The following SLC26A5 variants were observed in gnomAD, a reference collection of about 807,000 sequenced individuals.
SLC26A5 encodes the protein prestin.
A neutral mutation model predicts 81.0 loss-of-function variants in SLC26A5; 51 were observed. That is an observed-to-expected ratio of 0.63 (90% CI 0.50 to 0.80). The LOEUF is 0.80. Ranked by LOEUF, SLC26A5 falls within the 30% of genes least tolerant of loss-of-function variation. SLC26A5 has a pLI of 0.00. For synonymous variants in SLC26A5, 325 were observed against 332.8 expected, an observed-to-expected ratio of 0.98 and a Z score of 0.25; for missense variants, 771 against 905.8, an observed-to-expected ratio of 0.85 and a Z score of 1.91.
chr7:103,366,877 T>TCAC (rs1475056540), intron 19 of SLC26A5, among the ~76,000 whole-genome samples: 2 of 152,180 alleles, frequency 1.3e-5, no homozygotes, highest in Non-Finnish European at 2.9e-5. Flanking sequence ...TGATCTTGGC[T>TCAC]CACTGCAACC....
intron 14 of SLC26A5, among the ~76,000 whole-genome samples, chr7:103,382,602 G>A (rs538424911): frequency 5.3e-5 from 8 of 151,888 alleles, no homozygotes; most frequent in African/African-American, 1.7e-4. Context: ...TACCCACCTC[G>A]GCCTCCCAAA....
chr7:103,358,843 C>T (rs532362562), intron 19 of SLC26A5, among the ~76,000 whole-genome samples: 2 of 152,114 alleles, frequency 1.3e-5, no homozygotes, highest in Non-Finnish European at 2.9e-5. Flanking sequence ...GACAGACTAG[C>T]TAAAGAGCCC....
chr7:103,432,056 C>G (rs1826119330), intron 2 of SLC26A5, among the ~76,000 whole-genome samples: 1 of 152,106 alleles, frequency 6.6e-6, no homozygotes, highest in Non-Finnish European at 1.5e-5. Context: ...GCTAACACTA[C>G]AGGTGCATGC....
At chr7:103,400,084 C>G (rs1586283213) in intron 8 of SLC26A5, among the ~76,000 whole-genome samples, 1 of 151,572 alleles carries the variant, frequency 6.6e-6, no homozygotes, top group East Asian at 1.9e-4. Context: ...GGGTATATAC[C>G]CAGTAACGGG....
chr7:103,431,932 T>C (rs1374716875), intron 2 of SLC26A5, among the ~76,000 whole-genome samples: 2 of 152,138 alleles, frequency 1.3e-5, no homozygotes, highest in African/African-American at 2.4e-5. Context: ...ATTAACTTTT[T>C]TGAGACAGGG....
intron 14 of SLC26A5, among the ~76,000 whole-genome samples, chr7:103,384,843 T>C (rs1270856570): frequency 6.6e-6 from 1 of 152,194 alleles, no homozygotes; most frequent in African/African-American, 2.4e-5. Context: ...ATTATAATAA[T>C]TTGTGCCATC....
At chr7:103,362,625 A>G in intron 19 of SLC26A5, 1 of 1,507,384 alleles carries the variant, frequency 6.6e-7, no homozygotes, top group South Asian at 1.1e-5. Flanking sequence ...AAAGGACTAA[A>G]CATAAAAGCA....
At chr7:103,402,601 A>C (rs1286177383) in intron 8 of SLC26A5, among the ~76,000 whole-genome samples, 2 of 151,794 alleles carry the variant, frequency 1.3e-5, no homozygotes, top group South Asian at 4.2e-4. Context: ...GGATTTCACC[A>C]TGTTGGCCAA....
chr7:103,390,281 G>A (rs1822540215), intron 12 of SLC26A5, 148 bp downstream of exon 12: 1 of 769,572 alleles, frequency 1.3e-6, no homozygotes, highest in South Asian at 1.5e-5. Flanking sequence ...TATAGAGCAG[G>A]ATCTTGGTCC....
At chr7:103,427,243 T>C (rs1008184286) in intron 2 of SLC26A5, among the ~76,000 whole-genome samples, 1 of 152,018 alleles carries the variant, frequency 6.6e-6, no homozygotes, top group Non-Finnish European at 1.5e-5. Context: ...CCAACTACTT[T>C]TTGTATTTTT....
chr7:103,427,374 G>A (rs1363695904), intron 2 of SLC26A5, among the ~76,000 whole-genome samples: 2 of 151,962 alleles, frequency 1.3e-5, no homozygotes, highest in Non-Finnish European at 2.9e-5. Flanking sequence ...CACTGTGCCT[G>A]GCCTCATCAT....
chr7:103,399,825 G>A (rs1275458973), intron 8 of SLC26A5, among the ~76,000 whole-genome samples: 6 of 152,094 alleles, frequency 3.9e-5, no homozygotes, highest in Non-Finnish European at 5.9e-5. Flanking sequence ...GTGGTGTTTG[G>A]TTTTCTGTTC....
chr7:103,366,254 T>A, intron 19 of SLC26A5: 2 of 1,141,344 alleles, frequency 1.8e-6, no homozygotes, highest in Non-Finnish European at 2.6e-6. Context: ...TTGTACAGAA[T>A]TTTAACTCCA....
chr7:103,375,491 T>A (rs923825701), intron 19 of SLC26A5, among the ~76,000 whole-genome samples: 1 of 152,220 alleles, frequency 6.6e-6, no homozygotes, highest in Non-Finnish European at 1.5e-5. Context: ...TTTCCCATCA[T>A]ATGCCTATGG....
At chr7:103,366,916 T>C (rs1285668155) in intron 19 of SLC26A5, among the ~76,000 whole-genome samples, 1 of 152,172 alleles carries the variant, frequency 6.6e-6, no homozygotes, top group South Asian at 2.1e-4. Context: ...GCAATTCTCA[T>C]GTCTCAGCCT....
At chr7:103,438,488 G>T (rs1324532566) in intron 2 of SLC26A5, among the ~76,000 whole-genome samples, 2 of 151,620 alleles carry the variant, frequency 1.3e-5, no homozygotes, top group Admixed American at 1.3e-4. Flanking sequence ...AAGTAGCTGG[G>T]ATTACAGGCA....
intron 19 of SLC26A5, chr7:103,354,079 AAAAAT>A (rs1286948863): frequency 2.3e-5 from 17 of 742,838 alleles, no homozygotes; most frequent in African/African-American, 1.1e-4. Flanking sequence ...AAACCAAACA[AAAAAT>A]AAAATAAAAA....
At chr7:103,377,152 C>T (rs537246331) in intron 18 of SLC26A5, among the ~76,000 whole-genome samples, 13 of 152,156 alleles carry the variant, frequency 8.5e-5, no homozygotes, top group Admixed American at 2.0e-4. Context: ...AAATAAAAAA[C>T]GATTTTTTTT....
intron 2 of SLC26A5, among the ~76,000 whole-genome samples, chr7:103,441,393 G>A (rs764424893): frequency 3.9e-5 from 6 of 152,192 alleles, no homozygotes; most frequent in Non-Finnish European, 7.3e-5. Context: ...TTTTCCAAGT[G>A]TGAAAATCTA....
Sources: gnomAD v4.1 joint callset for allele counts (sites outside exome capture counted in the v4.1 genomes callset) on GRCh38, gnomAD v4.1.1 for gene constraint, MANE v1.5 for transcripts, NCBI Gene and HGNC (gene_info 2026-07-23, HGNC 2026-07-21) for gene names.